Variants in ARL15 observed in about 807,000 individuals in gnomAD.
ARL15 encodes the protein ARF like GTPase 15.
Under a neutral mutation model 25.2 loss-of-function variants are expected in ARL15, and 19 were observed. The ratio of observed to expected loss-of-function variants is 0.75; its 90% CI spans 0.53 to 1.10. The LOEUF (loss-of-function observed/expected upper bound fraction) is 1.10, where lower values mean the gene tolerates loss of function less well. Among genes scored for constraint, ARL15 ranks in the 50% least tolerant of loss-of-function variants. The pLI is 0.00. For synonymous variants in ARL15, 94 were observed against 86.8 expected, an observed-to-expected ratio of 1.08 and a Z score of -0.46; for missense variants, 220 against 246.0, an observed-to-expected ratio of 0.89 and a Z score of 0.71.
chr5:54,024,788 A>C (rs1749731525), intron 4 of ARL15, among the ~76,000 whole-genome samples: 1 of 152,192 alleles, frequency 6.6e-6, no homozygotes, highest in South Asian at 2.1e-4. Context: ...ATATATATAC[A>C]AATACATATG....
intron 4 of ARL15, among the ~76,000 whole-genome samples, chr5:53,893,577 G>A (rs568573778): frequency 2.0e-5 from 3 of 152,040 alleles, no homozygotes; most frequent in East Asian, 3.9e-4. Context: ...CACTGCACTC[G>A]AGCCTGGGCG....
intron 4 of ARL15, among the ~76,000 whole-genome samples, chr5:53,987,856 A>C (rs911544580): frequency 6.6e-6 from 1 of 152,188 alleles, no homozygotes; most frequent in African/African-American, 2.4e-5. Flanking sequence ...TAATCCCAGC[A>C]CTTTGGAAGG....
intron 4 of ARL15, among the ~76,000 whole-genome samples, chr5:54,064,346 G>A (rs1387619851): frequency 6.6e-6 from 1 of 152,140 alleles, no homozygotes; most frequent in African/African-American, 2.4e-5. Flanking sequence ...CCCCCTGTAA[G>A]TTCCCCCAGC....
chr5:54,137,976 G>A (rs1345878510), intron 3 of ARL15, among the ~76,000 whole-genome samples: 1 of 151,998 alleles, frequency 6.6e-6, no homozygotes, highest in Admixed American at 6.6e-5. Flanking sequence ...GTCAAAGTAT[G>A]CCTTAGAAAT....
At chr5:54,301,605 A>G (rs570170006) in intron 1 of ARL15, among the ~76,000 whole-genome samples, 5 of 152,380 alleles carry the variant, frequency 3.3e-5, no homozygotes, top group Admixed American at 6.5e-5. Flanking sequence ...ATTCATAATT[A>G]GAAATAAAAC....
intron 4 of ARL15, among the ~76,000 whole-genome samples, chr5:54,019,294 G>A (rs1003556503): frequency 1.3e-5 from 2 of 151,986 alleles, no homozygotes; most frequent in African/African-American, 4.8e-5. Context: ...AGTAAACGAC[G>A]TATTGTTTAA....
chr5:54,071,979 GAAAA>G (rs71989027), intron 4 of ARL15, among the ~76,000 whole-genome samples: 252 of 126,180 alleles, frequency 2.0e-3, no homozygotes, highest in Non-Finnish European at 3.2e-3. Flanking sequence ...CTCAAAAAAA[GAAAA>G]AAAAAAAAAA....
intron 3 of ARL15, among the ~76,000 whole-genome samples, chr5:54,122,717 T>C (rs1207465211): frequency 6.6e-6 from 1 of 152,224 alleles, no homozygotes; most frequent in East Asian, 1.9e-4. Context: ...TAAAATATAA[T>C]TGAATTGTGA....
At chr5:54,126,592 C>A (rs976221806) in intron 3 of ARL15, among the ~76,000 whole-genome samples, 6 of 152,166 alleles carry the variant, frequency 3.9e-5, no homozygotes, top group African/African-American at 1.4e-4. Flanking sequence ...CTCAATCCAA[C>A]AGTGTTGGGG....
At chr5:54,299,791 T>C (rs1008691992) in intron 1 of ARL15, among the ~76,000 whole-genome samples, 4 of 152,038 alleles carry the variant, frequency 2.6e-5, no homozygotes, top group African/African-American at 7.2e-5. Context: ...GGTTTCATCA[T>C]GTTGGCCAGA....
intron 1 of ARL15, among the ~76,000 whole-genome samples, chr5:54,281,460 C>T (rs908253849): frequency 1.3e-5 from 2 of 152,134 alleles, no homozygotes; most frequent in African/African-American, 2.4e-5. Flanking sequence ...TTCTTCCCTC[C>T]ACTGCTTTAG....
chr5:54,286,738 C>T, intron 1 of ARL15, among the ~76,000 whole-genome samples: 1 of 152,110 alleles, frequency 6.6e-6, no homozygotes, highest in East Asian at 1.9e-4. Context: ...GAGAGAAATC[C>T]CCTTCTAACT....
chr5:54,261,574 T>A (rs1757498339), intron 1 of ARL15, among the ~76,000 whole-genome samples: 1 of 152,026 alleles, frequency 6.6e-6, no homozygotes, highest in Non-Finnish European at 1.5e-5. Flanking sequence ...AGAGAGAACT[T>A]CAGAAGTCTG....
chr5:54,103,559 A>T (rs1249200365), intron 4 of ARL15, among the ~76,000 whole-genome samples: 1 of 152,186 alleles, frequency 6.6e-6, no homozygotes, highest in Non-Finnish European at 1.5e-5. Context: ...AAGTGAAAGG[A>T]GGTACTATAA....
intron 1 of ARL15, among the ~76,000 whole-genome samples, chr5:54,187,031 A>G (rs1755260154): frequency 6.6e-6 from 1 of 152,170 alleles, no homozygotes; most frequent in African/African-American, 2.4e-5. Flanking sequence ...AATAACAGAA[A>G]AGCAATTCAT....
At chr5:54,005,755 G>A (rs1293015153) in intron 4 of ARL15, among the ~76,000 whole-genome samples, 3 of 151,760 alleles carry the variant, frequency 2.0e-5, no homozygotes, top group Non-Finnish European at 2.9e-5. Flanking sequence ...CCAGCTACTC[G>A]GGAGGCTGAG....
intron 4 of ARL15, among the ~76,000 whole-genome samples, chr5:53,910,407 C>T (rs1038055519): frequency 6.6e-6 from 1 of 151,890 alleles, no homozygotes; most frequent in Non-Finnish European, 1.5e-5. Context: ...CTTAATGCCA[C>T]CGTAAGAAAA....
chr5:54,125,879 T>C (rs1208361426), intron 3 of ARL15, among the ~76,000 whole-genome samples: 1 of 152,142 alleles, frequency 6.6e-6, no homozygotes. Context: ...AAAAAAATAA[T>C]AATTTACCAT....
chr5:54,109,745 G>A lies in ARL15; in HGVS notation c.462+3457C>T, dbSNP rs547469659. ...AAATTAGATCAGAATTTTCCCTAAT[G>A]TACCAAGTGGGCCACTTGACATAAT... On this transcript the variant is annotated intron_variant, in intron 4 of 4. Transcript: ENST00000504924. Among the ~76,000 whole-genome samples the A allele has an allele frequency of 3.8e-4, 57 of 151,962 alleles. No individual in the cohort carries two copies. In the South Asian group the frequency reaches 4.2e-3, roughly 11 times the overall value.
Sources: gnomAD v4.1 joint callset for allele counts (sites outside exome capture counted in the v4.1 genomes callset) on GRCh38, gnomAD v4.1.1 for gene constraint, MANE v1.5 for transcripts, NCBI Gene and HGNC (gene_info 2026-07-23, HGNC 2026-07-21) for gene names.